The following FRMPD3 variants were observed in gnomAD, a reference collection of about 807,000 sequenced individuals.
FRMPD3 encodes FERM and PDZ domain containing 3.
A neutral mutation model predicts 97.9 loss-of-function variants in FRMPD3; 42 were observed. The ratio of observed to expected loss-of-function variants is 0.43; its 90% confidence interval spans 0.34 to 0.55. The LOEUF (loss-of-function observed/expected upper bound fraction) is 0.55, where lower values mean the gene tolerates loss of function less well. Among genes scored for constraint, FRMPD3 ranks in the 20% least tolerant of loss-of-function variants. The pLI is 0.03. For missense variants in FRMPD3, 1,303 were observed against 1,457.7 expected, an observed-to-expected ratio of 0.89 and a Z score of 1.73; for synonymous variants, 577 against 581.1, an observed-to-expected ratio of 0.99 and a Z score of 0.10.
chrX:107,535,889 C>T (rs2179626), intron 4 of FRMPD3, among the ~76,000 whole-genome samples: 12,088 of 109,739 alleles, frequency 0.11, 1,559 homozygotes, highest in African/African-American at 0.36. Context: ...CCTAGACATA[C>T]ATATATCTAC....
chrX:107,534,280 A>G (rs750314443), intron 4 of FRMPD3, among the ~76,000 whole-genome samples: 1 of 111,816 alleles, frequency 8.9e-6, no homozygotes, highest in Non-Finnish European at 1.9e-5. Flanking sequence ...GCACAAACCC[A>G]GGTGCACAAC....
chrX:107,562,936 G>C (rs1176213491), intron 10 of FRMPD3, among the ~76,000 whole-genome samples, 175 bp from the exon 11 acceptor site: 5 of 111,813 alleles, frequency 4.5e-5, no homozygotes, highest in African/African-American at 1.6e-4. Flanking sequence ...CTAGAGGGAA[G>C]AGCTGTCCAA....
At chrX:107,552,692 A>G (rs1921915068) in intron 6 of FRMPD3, 103 bp from the exon 7 acceptor site, 3 of 914,404 alleles carry the variant, frequency 3.3e-6, no homozygotes, top group Non-Finnish European at 4.5e-6. Context: ...CCCCAGGACT[A>G]TATTTCTTTT....
intron 1 of FRMPD3, among the ~76,000 whole-genome samples, chrX:107,522,972 GA>G (rs1456549052): frequency 5.2e-4 from 58 of 111,392 alleles, no homozygotes; most frequent in African/African-American, 1.8e-3. Flanking sequence ...TTTGTTCAGG[GA>G]TGCCCTATTT....
At chrX:107,564,448 G>A (rs899771680) in intron 11 of FRMPD3, among the ~76,000 whole-genome samples, 1 of 112,255 alleles carries the variant, frequency 8.9e-6, no homozygotes, top group African/African-American at 3.2e-5. Flanking sequence ...AGTGGCTGTT[G>A]GTGGGGGGAG....
chrX:107,476,785 A>G (rs967507676), intron 1 of FRMPD3, among the ~76,000 whole-genome samples: 1 of 112,768 alleles, frequency 8.9e-6, no homozygotes, highest in Non-Finnish European at 1.9e-5. Flanking sequence ...ATGTTAGATC[A>G]GGAAGATACC....
Position 107,602,840 on chromosome X carries a change from C to T in FRMPD3, c.4801C>T (p.Leu1601=), listed in dbSNP as rs1924605221. ...FLAARLDTNE[L]LTVLRQCVAS... is the part of the protein sequence containing the mutation. ...GGCTGCCCGGCTGGACACCAACGAG[C>T]TGCTGACAGTCCTGCGGCAGTGTGT... Residue 1601 remains leucine, a synonymous_variant, in exon 15 of 15, where the codon CTG becomes TTG. Transcript: ENST00000683843. The T allele has an allele frequency of 8.3e-7, 1 of 1,209,070 alleles. No individual in the cohort carries two copies. The highest frequency in any genetic ancestry group is 3.0e-5 in the East Asian group (1 of 33,746).
At chrX:107,460,667 T>C (rs745607894) in intron 1 of FRMPD3, among the ~76,000 whole-genome samples, 86 of 111,501 alleles carry the variant, frequency 7.7e-4, no homozygotes, top group Non-Finnish European at 1.4e-3. Flanking sequence ...GCTGGGATTA[T>C]AGGCATTAGC....
intron 1 of FRMPD3, among the ~76,000 whole-genome samples, chrX:107,478,621 GT>G (rs933861751): frequency 5.4e-5 from 6 of 111,149 alleles, no homozygotes; most frequent in Admixed American, 2.9e-4. Flanking sequence ...TCGTCTCCTC[GT>G]TTTAAATCCT....
In FRMPD3 at chrX:107,603,384, C is replaced by T. The variant is rs908455519; in HGVS notation, c.*11C>T. ...ACCCTTATTAAGTAGGGCATCTGCC[C>T]ACACCTGTCCCCCTTCCCCAACCAT... is the stretch of plus-strand genomic sequence containing the variant. On this transcript the variant is annotated 3_prime_UTR_variant, in exon 15 of 15. Coordinates refer to ENST00000683843, the MANE Select transcript of FRMPD3 (RefSeq NM_001388459.1). 1.8e-6 allele frequency: 2 copies of T among 1,129,749 alleles called. No individual in the cohort carries two copies. Among genetic ancestry groups the T allele is most frequent in the Non-Finnish European group, 2.3e-6 (2 of 853,197 alleles). The allele number at this position is 1,129,749 out of a possible 1,213,427, so 93.1% of individuals were successfully genotyped here.
chrX:107,526,568 TC>T lies in FRMPD3; in HGVS notation c.-7-11del, dbSNP rs1922705854. The stretch of plus-strand genomic sequence containing the variant: ...TGTGCATCTTGTTTTGCTCCCACCT[TC>T]CCTTTTCCCCAGTCATGTGATGCAG... On this transcript the variant is annotated splice_polypyrimidine_tract_variant and intron_variant, in intron 1 of 14. Transcript: ENST00000683843. 1 of 1,181,938 alleles carries T rather than the reference TC, an allele frequency of 8.5e-7. No homozygotes were observed. Among genetic ancestry groups the T allele is most frequent in the African/African-American group, 1.8e-5 (1 of 56,245 alleles).
At chrX:107,599,428 C>T (rs943268975) in intron 14 of FRMPD3, among the ~76,000 whole-genome samples, 1 of 110,857 alleles carries the variant, frequency 9.0e-6, no homozygotes, top group African/African-American at 3.3e-5. Flanking sequence ...ATGTATTTGG[C>T]CCCCAGGGCT....
At chrX:107,507,045 G>A (rs920738116) in intron 1 of FRMPD3, among the ~76,000 whole-genome samples, 3 of 110,552 alleles carry the variant, frequency 2.7e-5, no homozygotes, top group African/African-American at 9.9e-5. Flanking sequence ...GGGTTGGGGG[G>A]CACCTGACCA....
At chrX:107,516,500 A>T (rs1252529643) in intron 1 of FRMPD3, among the ~76,000 whole-genome samples, 1 of 111,372 alleles carries the variant, frequency 9.0e-6, no homozygotes, top group Non-Finnish European at 1.9e-5. Flanking sequence ...CAACAGTGTA[A>T]AAGTGTTCCT....
Position 107,603,191 on chromosome X carries a change from C to T in FRMPD3, c.5152C>T (p.Gln1718Ter), listed in dbSNP as rs765219644. Residue 1718 changes from glutamine (Q) to a stop codon, truncating the protein, a stop_gained, in exon 15 of 15, where the codon CAG (glutamine) becomes TAG (stop). Coordinates refer to ENST00000683843, the MANE Select transcript of FRMPD3 (RefSeq NM_001388459.1). LOFTEE classifies it high-confidence loss of function. ...GTCCACAGCCCGTAACCTTAACCAGCAGCAGCAGCAACAACAACAGCAGCA... is the reference window on the plus strand; with the variant it reads ...GTCCACAGCCCGTAACCTTAACCAGTAGCAGCAGCAACAACAACAGCAGCA... ...EESTARNLNQ[Q>*]QQQQQQQQQQ... The T allele has an allele frequency of 1.7e-5, 20 of 1,182,343 alleles. No homozygotes were observed. The highest frequency in any genetic ancestry group is 2.2e-5 in the Non-Finnish European group (19 of 881,584).
intron 1 of FRMPD3, among the ~76,000 whole-genome samples, chrX:107,494,542 G>A (rs1192407777): frequency 8.9e-6 from 1 of 111,838 alleles, no homozygotes; most frequent in East Asian, 2.8e-4. Flanking sequence ...AAATCCACAG[G>A]CTTTTCGGGG....
At chrX:107,526,203 A>C (rs1922690198) in intron 1 of FRMPD3, among the ~76,000 whole-genome samples, 1 of 112,402 alleles carries the variant, frequency 8.9e-6, no homozygotes, top group African/African-American at 3.2e-5. Context: ...CTCTTCCTGC[A>C]AGGCTTTGGT....
At chrX:107,468,897 A>G (rs1456407785) in intron 1 of FRMPD3, among the ~76,000 whole-genome samples, 1 of 112,822 alleles carries the variant, frequency 8.9e-6, no homozygotes, top group Non-Finnish European at 1.9e-5. Context: ...AGGGTCTTCA[A>G]CATTTCTCCA....
intron 1 of FRMPD3, among the ~76,000 whole-genome samples, chrX:107,478,914 T>C (rs1367146229): frequency 9.0e-6 from 1 of 111,345 alleles, no homozygotes; most frequent in African/African-American, 3.3e-5. Flanking sequence ...GGGGTAGTGC[T>C]AGAGGTGGAG....
Sources: allele counts gnomAD v4.1 joint callset (sites outside exome capture counted in the v4.1 genomes callset), GRCh38; gene constraint gnomAD v4.1.1; transcripts MANE v1.5; gene names NCBI Gene and HGNC (gene_info 2026-07-23, HGNC 2026-07-21).